MBNL1: variants seen among roughly 807,000 people sequenced by gnomAD.
MBNL1 encodes the protein muscleblind like splicing regulator 1.
A neutral mutation model predicts 42.2 loss-of-function variants in MBNL1; 8 were observed. The ratio of observed to expected loss-of-function variants is 0.19; its 90% CI spans 0.11 to 0.34. The LOEUF is 0.34. Among genes scored for constraint, MBNL1 ranks in the 10% least tolerant of loss-of-function variants. MBNL1 has a pLI of 1.00. For synonymous variants in MBNL1, 169 were observed against 173.9 expected (o/e 0.97, Z 0.22); for missense variants, 309 against 495.3 (o/e 0.62, Z 3.57).
chr3:152,393,867 TTC>T (rs1401683542), intron 2 of MBNL1, among the ~76,000 whole-genome samples: 1 of 152,206 alleles, frequency 6.6e-6, no homozygotes, highest in African/African-American at 2.4e-5. Context: ...AGAAATTGTT[TTC>T]TCAAAGGTAA....
At chr3:152,360,328 T>A in intron 2 of MBNL1, among the ~76,000 whole-genome samples, 1 of 152,192 alleles carries the variant, frequency 6.6e-6, no homozygotes, top group East Asian at 1.9e-4. Context: ...GTGGTTAAGA[T>A]TAATGATAGC....
At chr3:152,405,202 A>G (rs935824751) in intron 2 of MBNL1, among the ~76,000 whole-genome samples, 3 of 152,208 alleles carry the variant, frequency 2.0e-5, no homozygotes, top group African/African-American at 7.2e-5. Context: ...AAACAAAAGC[A>G]AAACAACTTA....
chr3:152,274,145 C>A (rs188771687), intron 1 of MBNL1, among the ~76,000 whole-genome samples: 1 of 152,182 alleles, frequency 6.6e-6, no homozygotes, highest in East Asian at 1.9e-4. Context: ...TTTTTTCCTA[C>A]GTTTTCACTT....
At chr3:152,443,163 A>C (rs902274426) in intron 4 of MBNL1, among the ~76,000 whole-genome samples, 1 of 132,514 alleles carries the variant, frequency 7.5e-6, no homozygotes, top group Non-Finnish European at 1.5e-5. Flanking sequence ...TAATAAACCA[A>C]TCCTTAACCT....
chr3:152,288,484 T>C (rs903673470), intron 1 of MBNL1, among the ~76,000 whole-genome samples: 3 of 152,164 alleles, frequency 2.0e-5, no homozygotes, highest in African/African-American at 7.2e-5. Context: ...TTGCATTATG[T>C]ATAGCAGTTG....
upstream of MBNL1, chr3:152,268,785 G>C (rs569560772): frequency 2.2e-6 from 1 of 454,544 alleles, no homozygotes; most frequent in Admixed American, 2.4e-5. Flanking sequence ...AAGTTGAAGA[G>C]CGTTTTTCTC....
intron 2 of MBNL1, among the ~76,000 whole-genome samples, chr3:152,250,085 T>C (rs901284160): frequency 2.6e-5 from 4 of 152,140 alleles, no homozygotes; most frequent in Non-Finnish European, 5.9e-5. Flanking sequence ...TGGCTTAGGA[T>C]TTACTTGGCG....
intron 2 of MBNL1, among the ~76,000 whole-genome samples, chr3:152,395,528 G>T (rs796737007): frequency 1.3e-5 from 2 of 152,186 alleles, no homozygotes; most frequent in African/African-American, 4.8e-5. Context: ...TGGATTTTTA[G>T]GTCCTATATA....
intron 3 of MBNL1, 69 bp downstream of exon 3, chr3:152,415,180 A>C (rs766756059): frequency 4.4e-6 from 6 of 1,372,024 alleles, no homozygotes; most frequent in Non-Finnish European, 5.8e-6. Flanking sequence ...TACTAAAGTG[A>C]TTATTGCACC....
intron 1 of MBNL1, among the ~76,000 whole-genome samples, chr3:152,276,835 G>A (rs2150120537): frequency 1.3e-5 from 2 of 152,234 alleles, no homozygotes; most frequent in South Asian, 4.1e-4. Flanking sequence ...ATAGGGGTAG[G>A]ACACATATAG....
chr3:152,317,214 G>A (rs940178653), intron 2 of MBNL1, among the ~76,000 whole-genome samples: 4 of 152,092 alleles, frequency 2.6e-5, no homozygotes, highest in Non-Finnish European at 4.4e-5. Context: ...ATAAAATAAT[G>A]TGTTAACTTT....
At chr3:152,357,266 C>G (rs1161503079) in intron 2 of MBNL1, among the ~76,000 whole-genome samples, 1 of 152,110 alleles carries the variant, frequency 6.6e-6, no homozygotes. Flanking sequence ...TTTTCAGAAG[C>G]CCACAGTTAT....
rs771382019 is a variant in MBNL1, at chr3:152,465,430, G to A, written c.*3064G>A. 1.3e-5 allele frequency: 2 copies of A among 152,522 alleles called. No individual in the cohort carries two copies. Among genetic ancestry groups the A allele is most frequent in the African/African-American group, 2.4e-5 (1 of 41,398 alleles). 9.4% of individuals were successfully genotyped at this position (152,522 alleles called of 1,614,324 possible). A position where few individuals can be genotyped will look rare whatever the true frequency, so the allele number is the denominator to read the frequency against. On this transcript the variant is annotated 3_prime_UTR_variant, in exon 10 of 10. Coordinates refer to ENST00000324210, the MANE Select transcript of MBNL1 (RefSeq NM_021038.5). The stretch of plus-strand genomic sequence containing the variant: ...TCTTTCAGCAGGTGAAAAATAAAAC[G>A]CAGTTCAAATTTCATGGTTTTAATT...
intron 2 of MBNL1, among the ~76,000 whole-genome samples, chr3:152,245,034 A>G (rs181880580): frequency 6.6e-6 from 1 of 152,234 alleles, no homozygotes; most frequent in Non-Finnish European, 1.5e-5. Flanking sequence ...AAATATGCAA[A>G]TCTAATTTTT....
At chr3:152,432,522 A>G (rs1195557019) in intron 3 of MBNL1, among the ~76,000 whole-genome samples, 195 bp from the exon 4 acceptor site, 2 of 152,226 alleles carry the variant, frequency 1.3e-5, no homozygotes, top group Non-Finnish European at 2.9e-5. Flanking sequence ...TATTTTAGAA[A>G]AACATTGATT....
At chr3:152,407,209 CTTTTTTTTTTTT>C (rs60509782) in intron 2 of MBNL1, among the ~76,000 whole-genome samples, 2 of 54,378 alleles carry the variant, frequency 3.7e-5, no homozygotes, top group Admixed American at 2.4e-4. Context: ...GAAATATGTT[CTTTTTTTTTTTT>C]TTTTTTTTTT....
At chr3:152,290,407 T>A (rs908172858) in intron 1 of MBNL1, among the ~76,000 whole-genome samples, 4 of 151,986 alleles carry the variant, frequency 2.6e-5, no homozygotes, top group African/African-American at 4.8e-5. Context: ...ATGGAGAAGA[T>A]CTTATAACTA....
At chr3:152,369,373 G>T (rs1448503950) in intron 2 of MBNL1, among the ~76,000 whole-genome samples, 1 of 152,160 alleles carries the variant, frequency 6.6e-6, no homozygotes, top group Non-Finnish European at 1.5e-5. Context: ...CTTGATTGTG[G>T]TGGACATGCC....
intron 4 of MBNL1, among the ~76,000 whole-genome samples, chr3:152,433,729 G>A (rs1260211043): frequency 2.9e-5 from 4 of 138,314 alleles, no homozygotes; most frequent in Admixed American, 1.5e-4. Flanking sequence ...CAGCCTGGGC[G>A]ACAGAGCGAG....
Sources: gnomAD v4.1 joint callset for allele counts (sites outside exome capture counted in the v4.1 genomes callset) on GRCh38, gnomAD v4.1.1 for gene constraint, MANE v1.5 for transcripts, NCBI Gene and HGNC (gene_info 2026-07-23, HGNC 2026-07-21) for gene names.